The following PRKN variants were observed in gnomAD, a reference collection of about 807,000 sequenced individuals.
The protein encoded by PRKN is parkin RBR E3 ubiquitin protein ligase.
Under a neutral mutation model 59.5 loss-of-function variants are expected in PRKN, and 56 were observed. That is an observed-to-expected ratio of 0.94 (90% confidence interval 0.76 to 1.18). The LOEUF is 1.18. PRKN is among the 50% of genes most tolerant of loss of function. The probability of loss-of-function intolerance (pLI) is 0.00; values close to 1 mark genes in which losing one functional copy is unlikely to be tolerated. For synonymous variants in PRKN, 250 were observed against 222.1 expected, an observed-to-expected ratio of 1.13 and a Z score of -1.12; for missense variants, 657 against 596.4, an observed-to-expected ratio of 1.10 and a Z score of -1.06.
chr6:162,339,221 A>G (rs1156332429), intron 2 of PRKN, among the ~76,000 whole-genome samples: 2,005 of 124,544 alleles, frequency 0.016, 18 homozygotes, highest in Non-Finnish European at 0.024. Flanking sequence ...CCCGGCAGCC[A>G]CCCCGTCCGG....
intron 4 of PRKN, among the ~76,000 whole-genome samples, chr6:162,059,958 T>C (rs999570741): frequency 3.3e-5 from 5 of 152,182 alleles, no homozygotes; most frequent in African/African-American, 1.2e-4. Flanking sequence ...TTAAAATTCA[T>C]TGTCCATAAA....
chr6:161,366,982 C>CTTTTTT, intron 10 of PRKN, among the ~76,000 whole-genome samples: 1 of 91,946 alleles, frequency 1.1e-5, no homozygotes, highest in African/African-American at 4.3e-5. Context: ...TTTTTGTTTC[C>CTTTTTT]TTTTTTTTTT....
chr6:162,090,701 T>C (rs768139488), intron 4 of PRKN, among the ~76,000 whole-genome samples: 1 of 152,206 alleles, frequency 6.6e-6, no homozygotes. Context: ...TTTGCAATGA[T>C]GTAGGACGAT....
chr6:162,226,274 A>G (rs1226967006), intron 3 of PRKN, among the ~76,000 whole-genome samples: 1 of 150,348 alleles, frequency 6.7e-6, no homozygotes, highest in African/African-American at 2.4e-5. Flanking sequence ...ACAGATACAG[A>G]GAGAGAGAGA....
At chr6:161,698,457 A>G (rs1459688293) in intron 7 of PRKN, among the ~76,000 whole-genome samples, 1 of 152,176 alleles carries the variant, frequency 6.6e-6, no homozygotes, top group African/African-American at 2.4e-5. Flanking sequence ...ATTTGGAGAA[A>G]TTGATCAACT....
intron 1 of PRKN, among the ~76,000 whole-genome samples, chr6:162,636,861 G>A (rs1399220027): frequency 6.6e-5 from 10 of 152,038 alleles, no homozygotes; most frequent in East Asian, 1.9e-4. Context: ...TCGGGAGGCC[G>A]AAGTGGGAGG....
chr6:161,806,770 G>A (rs1474246207), intron 6 of PRKN, among the ~76,000 whole-genome samples: 2 of 152,274 alleles, frequency 1.3e-5, no homozygotes, highest in Middle Eastern at 3.4e-3. Context: ...TTGGGGATCT[G>A]GGGGAATTTT....
At chr6:161,976,098 T>A (rs1319308767) in intron 5 of PRKN, among the ~76,000 whole-genome samples, 1 of 151,954 alleles carries the variant, frequency 6.6e-6, no homozygotes, top group Non-Finnish European at 1.5e-5. Flanking sequence ...AGAGATGGGG[T>A]TTCACCGTGT....
chr6:162,345,173 A>G (rs1214174278), intron 2 of PRKN, among the ~76,000 whole-genome samples: 4 of 152,182 alleles, frequency 2.6e-5, no homozygotes, highest in Non-Finnish European at 4.4e-5. Context: ...TGCTCCTCAC[A>G]TATCAGCTGT....
chr6:162,463,098 A>G (rs1349999802), intron 1 of PRKN, among the ~76,000 whole-genome samples: 1 of 151,864 alleles, frequency 6.6e-6, no homozygotes, highest in African/African-American at 2.4e-5. Context: ...TAAAAACGAA[A>G]AAAAAACCAC....
chr6:161,368,759 C>T (rs1345008494), intron 10 of PRKN, among the ~76,000 whole-genome samples: 2 of 151,950 alleles, frequency 1.3e-5, no homozygotes, highest in Admixed American at 6.6e-5. Flanking sequence ...GCTGCCTGGC[C>T]GGTTCTCCCT....
intron 4 of PRKN, among the ~76,000 whole-genome samples, chr6:162,117,359 G>A (rs905666260): frequency 3.9e-5 from 6 of 152,198 alleles, no homozygotes; most frequent in African/African-American, 4.8e-5. Context: ...GGCTTTCGCC[G>A]AAGGGCCTAA....
chr6:162,279,443 GAA>G (rs1315326084), intron 2 of PRKN, among the ~76,000 whole-genome samples: 3 of 151,440 alleles, frequency 2.0e-5, no homozygotes, highest in Admixed American at 1.3e-4. Context: ...AAGAAAGAAA[GAA>G]AGAGACAGAA....
chr6:162,359,079 A>ATATATATATATATATATATAT (rs1554304694), intron 2 of PRKN, among the ~76,000 whole-genome samples: 1 of 83,246 alleles, frequency 1.2e-5, no homozygotes, highest in Admixed American at 1.4e-4. Flanking sequence ...AAAAAAAAAA[A>ATATATATATATATATATATAT]ATATATATAT....
chr6:162,454,438 C>T (rs1002242361), intron 1 of PRKN, among the ~76,000 whole-genome samples: 2 of 152,164 alleles, frequency 1.3e-5, no homozygotes, highest in African/African-American at 4.8e-5. Context: ...TTAATCTTCA[C>T]AATAGCACTG....
At chr6:162,134,674 A>G (rs184195815) in intron 4 of PRKN, among the ~76,000 whole-genome samples, 2 of 152,308 alleles carry the variant, frequency 1.3e-5, no homozygotes, top group East Asian at 3.9e-4. Flanking sequence ...TTCTCTTTAG[A>G]GTGAAAGCTA....
chr6:161,394,455 C>A (rs776398773), intron 9 of PRKN, among the ~76,000 whole-genome samples: 2 of 152,216 alleles, frequency 1.3e-5, no homozygotes, highest in Non-Finnish European at 2.9e-5. Flanking sequence ...CAACACCCTG[C>A]AGCCCTAGGC....
At chr6:162,671,416 T>G (rs1376381203) in intron 1 of PRKN, among the ~76,000 whole-genome samples, 4 of 151,538 alleles carry the variant, frequency 2.6e-5, no homozygotes, top group Non-Finnish European at 5.9e-5. Flanking sequence ...GAAGAATGGC[T>G]TGAACCCGGA....
intron 9 of PRKN, among the ~76,000 whole-genome samples, chr6:161,450,829 A>AG (rs1789708187): frequency 6.6e-6 from 1 of 152,214 alleles, no homozygotes; most frequent in Non-Finnish European, 1.5e-5. Flanking sequence ...TGCTGGGATT[A>AG]CAGGCGTGAG....
Sources: gnomAD v4.1 joint callset for allele counts (sites outside exome capture counted in the v4.1 genomes callset) on GRCh38, gnomAD v4.1.1 for gene constraint, MANE v1.5 for transcripts, NCBI Gene and HGNC (gene_info 2026-07-23, HGNC 2026-07-21) for gene names.